STPG2: variants seen among roughly 807,000 people sequenced by gnomAD.
STPG2 encodes sperm tail PG-rich repeat containing 2.
Under a neutral mutation model 54.2 loss-of-function variants are expected in STPG2, and 56 were observed. The ratio of observed to expected loss-of-function variants is 1.03; its 90% CI spans 0.83 to 1.29. STPG2 has a LOEUF of 1.29. STPG2 is among the 50% of genes most tolerant of loss of function. The pLI is 0.00. For synonymous variants in STPG2, 200 were observed against 181.8 expected, an observed-to-expected ratio of 1.10 and a Z score of -0.81; for missense variants, 596 against 544.9, an observed-to-expected ratio of 1.09 and a Z score of -0.93.
At chr4:98,131,843 T>C (rs1044566800) in intron 2 of STPG2, among the ~76,000 whole-genome samples, 10 of 152,112 alleles carry the variant, frequency 6.6e-5, no homozygotes, top group African/African-American at 2.2e-4. Flanking sequence ...ATACTCCAGT[T>C]TGGGATCCAG....
intron 8 of STPG2, among the ~76,000 whole-genome samples, chr4:97,917,743 A>C (rs534787244): frequency 9.8e-5 from 15 of 152,290 alleles, no homozygotes; most frequent in African/African-American, 3.6e-4. Flanking sequence ...ACACTAAAAT[A>C]GGTGCAGAAT....
At position 97,723,242 on chromosome 4, in the gene STPG2, G is replaced by A. The variant is rs186556497; in HGVS notation, c.1205-10428C>T. Among the ~76,000 whole-genome samples the A allele has an allele frequency of 2.0e-3, 300 of 151,382 alleles. 1 individual carries two copies. Among genetic ancestry groups the A allele is most frequent in the African/African-American group, 7.0e-3 (287 of 41,278 alleles). ...GTTAAGCTTAGATTTTTTTTTTATA[G>A]TCGTTACTTTTGGAGTTTTTAGTAA... On this transcript the variant is annotated intron_variant, in intron 9 of 10. Transcript: ENST00000295268.
intron 8 of STPG2, among the ~76,000 whole-genome samples, chr4:97,871,707 T>C (rs1298441948): frequency 6.6e-6 from 1 of 151,130 alleles, no homozygotes; most frequent in Non-Finnish European, 1.5e-5. Context: ...AACTACGAAG[T>C]TGTTATTACT....
At chr4:98,087,662 G>C (rs1256705882) in intron 5 of STPG2, among the ~76,000 whole-genome samples, 1 of 149,438 alleles carries the variant, frequency 6.7e-6, no homozygotes, top group East Asian at 2.0e-4. Context: ...CCGGGTTCAC[G>C]CCATTCTCCC....
intron 4 of STPG2, among the ~76,000 whole-genome samples, chr4:97,530,540 T>A (rs993347343): frequency 6.6e-6 from 1 of 151,940 alleles, no homozygotes; most frequent in Non-Finnish European, 1.5e-5. Context: ...TTCAAATGGA[T>A]GGATTAAAAA....
intron 5 of STPG2, among the ~76,000 whole-genome samples, chr4:98,049,273 A>G (rs75734752): frequency 0.011 from 1,605 of 152,352 alleles, 17 homozygotes; most frequent in Non-Finnish European, 0.019. Flanking sequence ...CTGGGTCAGA[A>G]TATCAAGCCC....
At chr4:98,017,601 T>C (rs1268906304) in intron 5 of STPG2, among the ~76,000 whole-genome samples, 2 of 152,210 alleles carry the variant, frequency 1.3e-5, no homozygotes, top group East Asian at 1.9e-4. Flanking sequence ...TCCATGTAGA[T>C]ACTGTAAACT....
chr4:97,836,234 C>T (rs1234585429), intron 9 of STPG2, among the ~76,000 whole-genome samples: 1 of 151,856 alleles, frequency 6.6e-6, no homozygotes, highest in Non-Finnish European at 1.5e-5. Flanking sequence ...TCATTGTTGT[C>T]TTATTTTAAG....
intron 5 of STPG2, among the ~76,000 whole-genome samples, chr4:98,043,122 G>A (rs772304294): frequency 5.3e-5 from 8 of 151,846 alleles, no homozygotes; most frequent in South Asian, 2.1e-4. Context: ...TTACTAAAGC[G>A]TACTTTTCTA....
chr4:97,507,948 A>C (rs1730888565), intron 4 of STPG2, among the ~76,000 whole-genome samples: 2 of 152,042 alleles, frequency 1.3e-5, no homozygotes, highest in South Asian at 4.2e-4. Context: ...TCACATGATT[A>C]AGCTCAATCT....
chr4:97,631,224 G>T (rs1343686235), intron 10 of STPG2, among the ~76,000 whole-genome samples: 1 of 151,866 alleles, frequency 6.6e-6, no homozygotes, highest in Non-Finnish European at 1.5e-5. Context: ...CCTTGACAAA[G>T]AAGGCAAGAC....
At chr4:98,012,218 A>G (rs1578778785) in intron 5 of STPG2, among the ~76,000 whole-genome samples, 4 of 152,248 alleles carry the variant, frequency 2.6e-5, no homozygotes, top group Admixed American at 2.6e-4. Flanking sequence ...TCCTTTCCCC[A>G]TTGCTTGTTT....
At chr4:98,076,988 A>G (rs1263760315) in intron 5 of STPG2, among the ~76,000 whole-genome samples, 2 of 152,118 alleles carry the variant, frequency 1.3e-5, no homozygotes, top group Admixed American at 1.3e-4. Flanking sequence ...ACACCCTACA[A>G]TCATGGTTCT....
chr4:97,481,345 C>T (rs1424881447), intron 4 of STPG2, among the ~76,000 whole-genome samples: 1 of 151,390 alleles, frequency 6.6e-6, no homozygotes, highest in African/African-American at 2.4e-5. Context: ...ATTGTTTTGG[C>T]TATTTTGAGT....
At chr4:98,024,729 A>G (rs1005067212) in intron 5 of STPG2, among the ~76,000 whole-genome samples, 2 of 152,224 alleles carry the variant, frequency 1.3e-5, no homozygotes, top group African/African-American at 2.4e-5. Context: ...ATTTCATGAC[A>G]GAATTTTACT....
chr4:97,833,389 A>G (rs1226068943), intron 9 of STPG2, among the ~76,000 whole-genome samples: 3 of 152,212 alleles, frequency 2.0e-5, no homozygotes, highest in Non-Finnish European at 4.4e-5. Flanking sequence ...ATAAGACTTA[A>G]AACCATAAAA....
chr4:97,911,122 G>C (rs1731662640), intron 8 of STPG2, among the ~76,000 whole-genome samples: 1 of 152,218 alleles, frequency 6.6e-6, no homozygotes, highest in African/African-American at 2.4e-5. Flanking sequence ...GGGAAACCAG[G>C]CTTTTCCCAC....
chr4:97,706,121 T>C (rs1472734747), intron 10 of STPG2, among the ~76,000 whole-genome samples: 1 of 152,138 alleles, frequency 6.6e-6, no homozygotes, highest in Non-Finnish European at 1.5e-5. Context: ...TTTCTTTTTA[T>C]TCGTAAGTAG....
chr4:97,543,101 T>C (rs1368654952), intron 4 of STPG2, among the ~76,000 whole-genome samples: 1 of 151,820 alleles, frequency 6.6e-6, no homozygotes, highest in African/African-American at 2.4e-5. Context: ...TGTGCACATG[T>C]ACCCTAGAAC....
Sources: allele counts gnomAD v4.1 joint callset (sites outside exome capture counted in the v4.1 genomes callset), GRCh38; gene constraint gnomAD v4.1.1; transcripts MANE v1.5; gene names NCBI Gene and HGNC (gene_info 2026-07-23, HGNC 2026-07-21).